SLC6A2: variants seen among roughly 807,000 people sequenced by gnomAD.
The protein encoded by SLC6A2 is solute carrier family 6 member 2.
A neutral mutation model predicts 71.7 loss-of-function variants in SLC6A2; 26 were observed. That is an observed-to-expected ratio of 0.36 (90% CI 0.27 to 0.50). SLC6A2 has a LOEUF of 0.50. Ranked by LOEUF, SLC6A2 falls within the 20% of genes least tolerant of loss-of-function variation. The pLI, the probability that SLC6A2 is intolerant of heterozygous loss-of-function variation, is 0.96. For missense variants in SLC6A2, 581 were observed against 803.9 expected, an observed-to-expected ratio of 0.72 and a Z score of 3.35; for synonymous variants, 363 against 337.9, an observed-to-expected ratio of 1.07 and a Z score of -0.82.
At chr16:55,694,745 C>T (rs190011069) in intron 7 of SLC6A2, among the ~76,000 whole-genome samples, 75 of 152,280 alleles carry the variant, frequency 4.9e-4, no homozygotes, top group African/African-American at 1.7e-3. Context: ...TGATAGAAGA[C>T]AAGCCAGTGC....
rs1181028535 is a variant in SLC6A2, at chr16:55,685,236, CG to C, written c.739del (p.Val247SerfsTer10). 1 of 1,614,116 alleles carries C rather than the reference CG, an allele frequency of 6.2e-7. No homozygotes were observed. Among genetic ancestry groups the C allele is most frequent in the African/African-American group, 1.3e-5 (1 of 75,042 alleles). On this transcript the variant is annotated frameshift_variant, in exon 5 of 15. Coordinates refer to ENST00000568943, the MANE Select transcript of SLC6A2 (RefSeq NM_001172501.3). LOFTEE classifies it high-confidence loss of function. The part of the protein sequence containing the change: ...LLLCLMVVVI[V>X]LYFSLWKGVK... The stretch of plus-strand genomic sequence containing the variant: ...TGCTCTGTCTGATGGTCGTCGTCAT[CG>C]TCTTGTATTTTAGCCTCTGGAAAGG...
intron 8 of SLC6A2, 98 bp from the exon 9 acceptor site, chr16:55,696,127 C>A: frequency 1.3e-6 from 1 of 794,304 alleles, no homozygotes; most frequent in Non-Finnish European, 2.3e-6. Flanking sequence ...TGTCCGCCCA[C>A]ACATGACCGA....
chr16:55,699,031 G>T (rs912080382), intron 11 of SLC6A2, among the ~76,000 whole-genome samples: 11 of 152,076 alleles, frequency 7.2e-5, no homozygotes, highest in African/African-American at 2.7e-4. Flanking sequence ...ACTTATTCTG[G>T]AACAGAACTG....
chr16:55,668,648 A>T (rs1250650463), intron 2 of SLC6A2, among the ~76,000 whole-genome samples: 3 of 152,192 alleles, frequency 2.0e-5, no homozygotes, highest in Non-Finnish European at 2.9e-5. Context: ...GTCAGAATCC[A>T]CTAAGCACAT....
Position 55,693,897 on chromosome 16 carries a change from C to A in SLC6A2, c.919-113C>A, listed in dbSNP as rs1965714228. On this transcript the variant is annotated intron_variant, in intron 6 of 14. Coordinates refer to ENST00000568943, the MANE Select transcript of SLC6A2 (RefSeq NM_001172501.3). ...AGGGCTGCCCATCTCTGGTTCAGAC[C>A]ATGTTTCCTCTGGTCTCAGAGCATC... 6.2e-6 allele frequency: 5 copies of A among 802,036 alleles called. No homozygotes were observed. The East Asian group carries it at 9.8e-5, about 16-fold the overall frequency. The allele number at this position is 802,036 out of a possible 1,614,324, so 49.7% of individuals were successfully genotyped here. A position where few individuals can be genotyped will look rare whatever the true frequency, so the allele number is the denominator to read the frequency against.
intron 2 of SLC6A2, among the ~76,000 whole-genome samples, chr16:55,664,280 A>T (rs1203723032): frequency 6.6e-6 from 1 of 152,120 alleles, no homozygotes; most frequent in African/African-American, 2.4e-5. Context: ...CCTTCATGCC[A>T]TCCTTCATGC....
intron 2 of SLC6A2, among the ~76,000 whole-genome samples, chr16:55,659,975 A>T (rs1301350785): frequency 2.2e-5 from 3 of 135,734 alleles, no homozygotes; most frequent in African/African-American, 7.7e-5. Context: ...GCCTTAGGAA[A>T]GGTGGCTGCT....
intron 5 of SLC6A2, among the ~76,000 whole-genome samples, chr16:55,690,676 C>T (rs1225306306): frequency 6.6e-6 from 1 of 152,160 alleles, no homozygotes; most frequent in African/African-American, 2.4e-5. Flanking sequence ...GTGGTGATTT[C>T]TCACCTTGGC....
chr16:55,675,815 G>A (rs1567439705), intron 4 of SLC6A2, among the ~76,000 whole-genome samples: 2 of 152,122 alleles, frequency 1.3e-5, no homozygotes, highest in Admixed American at 6.5e-5. Context: ...CAAAACTTTA[G>A]GGCTCCTCTC....
chr16:55,658,374 G>A (rs1259644831), intron 2 of SLC6A2, among the ~76,000 whole-genome samples: 2 of 152,118 alleles, frequency 1.3e-5, no homozygotes, highest in Non-Finnish European at 1.5e-5. Context: ...TTAGCTGGGC[G>A]TAGTGGTGCA....
chr16:55,670,750 G>A (rs1400174575), intron 3 of SLC6A2, among the ~76,000 whole-genome samples: 3 of 152,148 alleles, frequency 2.0e-5, no homozygotes, highest in Non-Finnish European at 4.4e-5. Context: ...TCCCAGAGAA[G>A]ATTCTCATTG....
chr16:55,664,989 G>T (rs1415445243), intron 2 of SLC6A2, among the ~76,000 whole-genome samples: 2 of 152,168 alleles, frequency 1.3e-5, no homozygotes, highest in African/African-American at 4.8e-5. Context: ...ATCTTGCTGG[G>T]TTCCCTCTTT....
intron 4 of SLC6A2, among the ~76,000 whole-genome samples, chr16:55,676,843 A>G (rs1358598210): frequency 6.6e-6 from 1 of 152,228 alleles, no homozygotes; most frequent in East Asian, 1.9e-4. Context: ...AAGTGGCATT[A>G]AAAGTCTATT....
At chr16:55,701,610 T>A (rs1965972838) in intron 13 of SLC6A2, among the ~76,000 whole-genome samples, 1 of 152,164 alleles carries the variant, frequency 6.6e-6, no homozygotes, top group Admixed American at 6.5e-5. Context: ...GTGGGTCTCC[T>A]TCAAGTCTGG....
chr16:55,702,348 C>A lies in SLC6A2; in HGVS notation c.*2C>A, dbSNP rs1166289853. On this transcript the variant is annotated 3_prime_UTR_variant, in exon 15 of 15. Transcript: ENST00000568943. ...TTGCAACACTGGCTGGCCATCTGAG[C>A]CTGCCTGGAGGAGAAGGAGGAACCC... The A allele has an allele frequency of 6.2e-7, 1 of 1,614,072 alleles. No individual in the cohort carries two copies. Among genetic ancestry groups the A allele is most frequent in the Admixed American group, 1.7e-5 (1 of 60,004 alleles).
chr16:55,677,722 C>T (rs558586849), intron 4 of SLC6A2, among the ~76,000 whole-genome samples: 30 of 152,268 alleles, frequency 2.0e-4, no homozygotes, highest in African/African-American at 7.2e-4. Context: ...CCCAGTGGCA[C>T]AGTCTCGGCT....
Position 55,699,576 on chromosome 16 carries a change from C to T in SLC6A2, c.1512C>T (p.Asp504=), listed in dbSNP as rs751125771. 14 of 1,613,990 alleles carry T rather than the reference C, an allele frequency of 8.7e-6. No homozygotes were observed. Among genetic ancestry groups the T allele is most frequent in the Non-Finnish European group, 1.1e-5 (13 of 1,179,972 alleles). The change falls in exon 12 of 15, where the codon GAC becomes GAT. Residue 504 remains aspartate (D), a synonymous_variant. Coordinates refer to ENST00000568943, the MANE Select transcript of SLC6A2 (RefSeq NM_001172501.3). ...WFYGVDRFSN[D]IQQMMGFRPG... ...CAGGAGTGGACAGGTTCAGCAACGA[C>T]ATCCAGCAGATGATGGGGTTCAGGC...
In SLC6A2 at chr16:55,691,954, C is replaced by A; in HGVS notation, c.820C>A (p.Leu274Met). Reference sequence around the variant, plus strand: ...CACAGCCACGCTGCCTTACTTCGTGCTGTTCGTGCTCCTGGTCCATGGCGT... The same window carrying A: ...CACAGCCACGCTGCCTTACTTCGTGATGTTCGTGCTCCTGGTCCATGGCGT... ...WITATLPYFV[L>M]FVLLVHGVTL... The change falls in exon 6 of 15, where the codon CTG (leucine) becomes ATG (methionine). Residue 274 changes from leucine to methionine, a missense_variant. By Grantham distance (15) the Leu-to-Met change is conservative. Around this residue, in one of 5 missense-constraint regions of SLC6A2, gnomAD observed 334 missense variants for 449.0 expected, o/e 0.74. Coordinates refer to ENST00000568943, the MANE Select transcript of SLC6A2 (RefSeq NM_001172501.3). 1 of 1,614,082 alleles carries A rather than the reference C, an allele frequency of 6.2e-7. No homozygotes were observed. The highest frequency in any genetic ancestry group is 8.5e-7 in the Non-Finnish European group (1 of 1,180,012).
chr16:55,694,101 A>G lies in SLC6A2; in HGVS notation c.1010A>G (p.Asn337Ser). 6.3e-7 allele frequency: 1 copy of G among 1,587,344 alleles called. No individual in the cohort carries two copies. Among genetic ancestry groups the G allele is most frequent in the Non-Finnish European group, 8.7e-7 (1 of 1,155,558 alleles). Residue 337 changes from asparagine (N) to serine (S), a missense_variant, in exon 7 of 15, where the codon AAC (asparagine) becomes AGC (serine). By Grantham distance (46) the Asn-to-Ser change is conservative. Coordinates refer to ENST00000568943, the MANE Select transcript of SLC6A2 (RefSeq NM_001172501.3). ...IAFASYNKFDNNCYRDALLTS... is the reference protein window; with the variant it reads ...IAFASYNKFDSNCYRDALLTS... Reference sequence around the variant, plus strand: ...TTTGCCAGTTACAACAAATTTGACAACAACTGTTACAGGTAAGATTCTTCT... The same window carrying G: ...TTTGCCAGTTACAACAAATTTGACAGCAACTGTTACAGGTAAGATTCTTCT...
Sources: allele counts gnomAD v4.1 joint callset (sites outside exome capture counted in the v4.1 genomes callset), GRCh38; gene constraint gnomAD v4.1.1; regional missense constraint gnomAD v4.1.1; transcripts MANE v1.5; gene names NCBI Gene and HGNC (gene_info 2026-07-23, HGNC 2026-07-21).